The following MACROD1 variants were observed in gnomAD, a reference collection of about 807,000 sequenced individuals.
MACROD1 encodes the protein mono-ADP ribosylhydrolase 1.
Under a neutral mutation model 41.4 loss-of-function variants are expected in MACROD1, and 31 were observed. That is an observed-to-expected ratio of 0.75 (90% CI 0.56 to 1.01). The LOEUF is 1.01. MACROD1 is among the 50% of genes least tolerant of loss of function. MACROD1 has a pLI of 0.00. For missense variants in MACROD1, 473 were observed against 460.0 expected, an observed-to-expected ratio of 1.03 and a Z score of -0.26; for synonymous variants, 252 against 203.4, an observed-to-expected ratio of 1.24 and a Z score of -2.03.
intron 4 of MACROD1, among the ~76,000 whole-genome samples, chr11:64,014,640 G>A (rs1021051911): frequency 6.6e-6 from 1 of 152,200 alleles, no homozygotes; most frequent in Admixed American, 6.5e-5. Flanking sequence ...AGGTGGGCTG[G>A]CCATGGAGGC....
At chr11:64,000,557 T>G (rs574252520) in intron 4 of MACROD1, among the ~76,000 whole-genome samples, 308 of 149,732 alleles carry the variant, frequency 2.1e-3, no homozygotes, top group African/African-American at 7.3e-3. Context: ...GCCCTGGGCC[T>G]GGCGGGAAGT....
Position 63,999,312 on chromosome 11 carries a change from G to A in MACROD1, c.891+19C>T. The A allele has an allele frequency of 4.5e-6, 7 of 1,554,434 alleles. No individual in the cohort carries two copies. The highest frequency in any genetic ancestry group is 6.1e-6 in the Non-Finnish European group (7 of 1,156,336). On this transcript the variant is annotated intron_variant, in intron 8 of 10. Coordinates refer to ENST00000255681, the MANE Select transcript of MACROD1 (RefSeq NM_014067.4). ...TGGCCGGGATGCGGACCCCACCCTC[G>A]CCCGGGCCCAGGACTCACCTTGTCC...
At chr11:64,105,062 C>A (rs902341674) in intron 3 of MACROD1, among the ~76,000 whole-genome samples, 21 of 152,236 alleles carry the variant, frequency 1.4e-4, no homozygotes, top group Non-Finnish European at 1.3e-4. Context: ...TTCGTCAGCA[C>A]GGCGCAGCAT....
intron 3 of MACROD1, among the ~76,000 whole-genome samples, chr11:64,113,014 A>C (rs1239089263): frequency 6.6e-6 from 1 of 152,208 alleles, no homozygotes; most frequent in Non-Finnish European, 1.5e-5. Context: ...ACATGAAAAC[A>C]CCAGTCACCA....
intron 3 of MACROD1, among the ~76,000 whole-genome samples, chr11:64,053,070 T>G: frequency 6.6e-6 from 1 of 152,208 alleles, no homozygotes. Flanking sequence ...AATGTGGGGC[T>G]TCTGATTCCC....
intron 3 of MACROD1, among the ~76,000 whole-genome samples, chr11:64,149,436 G>A (rs1590969818): frequency 6.6e-6 from 1 of 152,228 alleles, no homozygotes; most frequent in Admixed American, 6.5e-5. Context: ...GCACTAAACC[G>A]CTTCTGATGG....
chr11:64,130,490 G>A lies in MACROD1; in HGVS notation c.517+20749C>T, dbSNP rs1277094852. Among the ~76,000 whole-genome samples, 6 of 152,014 alleles carry A rather than the reference G, an allele frequency of 3.9e-5. No homozygotes were observed. In the East Asian group the frequency reaches 5.8e-4, roughly 15 times the overall value. On this transcript the variant is annotated intron_variant, in intron 3 of 10. Transcript: ENST00000255681. ...TCACCGAGCAACCTGAAGAAGAGGC[G>A]TCGGAACCTGGGAGGGGTCTAACAC... is the stretch of plus-strand genomic sequence containing the variant.
At chr11:64,151,427 G>A (rs774805072) in intron 2 of MACROD1, 72 bp from the exon 3 acceptor site, 7 of 1,133,496 alleles carry the variant, frequency 6.2e-6, no homozygotes, top group Non-Finnish European at 9.3e-6. Flanking sequence ...AGGGCCCAGG[G>A]GCCAGGGCCT....
At chr11:64,050,567 C>A (rs570518029) in intron 3 of MACROD1, among the ~76,000 whole-genome samples, 1 of 152,314 alleles carries the variant, frequency 6.6e-6, no homozygotes, top group South Asian at 2.1e-4. Flanking sequence ...TCCCTCACAG[C>A]GCTAAGGACA....
chr11:64,065,675 A>T (rs969095792), intron 3 of MACROD1, among the ~76,000 whole-genome samples: 3 of 151,798 alleles, frequency 2.0e-5, no homozygotes, highest in Non-Finnish European at 4.4e-5. Flanking sequence ...CTGTAGTCCC[A>T]GCTACTTGGG....
chr11:64,031,913 C>T (rs912185239), intron 3 of MACROD1, among the ~76,000 whole-genome samples: 11 of 152,370 alleles, frequency 7.2e-5, no homozygotes, highest in African/African-American at 2.4e-4. Context: ...GGGCCCCGAG[C>T]TAGGAGTCCA....
intron 3 of MACROD1, among the ~76,000 whole-genome samples, chr11:64,119,859 C>T (rs1945066508): frequency 6.6e-6 from 1 of 152,178 alleles, no homozygotes; most frequent in Non-Finnish European, 1.5e-5. Context: ...GAAATAATGA[C>T]AGCGAATTGG....
chr11:64,068,082 A>G (rs1427712389), intron 3 of MACROD1, among the ~76,000 whole-genome samples: 1 of 152,236 alleles, frequency 6.6e-6, no homozygotes, highest in Non-Finnish European at 1.5e-5. Context: ...CTCAAACCGG[A>G]GCCGGGCGAA....
Position 64,060,570 on chromosome 11 carries a change from T to TG in MACROD1, c.518-45290dup, listed in dbSNP as rs1356184722. On this transcript the variant is annotated intron_variant, in intron 3 of 10. Coordinates refer to ENST00000255681, the MANE Select transcript of MACROD1 (RefSeq NM_014067.4). Reference sequence around the variant, plus strand: ...AGCAGGCCCCAGCCTGGAGATACGCTGGGCAGTGGCCTCCCATGCGCGCAC... The same window carrying TG: ...AGCAGGCCCCAGCCTGGAGATACGCTGGGGCAGTGGCCTCCCATGCGCGCAC... 3 of 152,228 alleles carry TG rather than the reference T, an allele frequency of 2.0e-5. No individual in the cohort carries two copies. In the South Asian group the frequency reaches 6.2e-4, roughly 32 times the overall value. The allele number at this position is 152,228 out of a possible 1,614,324, so 9.4% of individuals were successfully genotyped here.
rs556164889 is a variant in MACROD1 at position 64,067,365 on chromosome 11, C to A, written c.518-52084G>T. On this transcript the variant is annotated intron_variant, in intron 3 of 10. Coordinates refer to ENST00000255681, the MANE Select transcript of MACROD1 (RefSeq NM_014067.4). This position sits in a 1 kb window ranked among gnomAD's most constrained non-coding sequence, Gnocchi z 4.6. The stretch of plus-strand genomic sequence containing the variant: ...GGGAATCCATTATCGGGCAAAATAG[C>A]AGCTGCTGACGTGAAAATGAAATAT... 8.5e-5 allele frequency among the ~76,000 whole-genome samples: 13 copies of A among 152,302 alleles called. No homozygotes were observed. In the South Asian group the frequency reaches 2.7e-3, roughly 32 times the overall value.
chr11:64,084,416 G>T (rs117569191), intron 3 of MACROD1, among the ~76,000 whole-genome samples: 104 of 152,186 alleles, frequency 6.8e-4, no homozygotes, highest in Middle Eastern at 6.8e-3. Flanking sequence ...TACCTTTCCC[G>T]CGAAGCCCCC....
intron 3 of MACROD1, chr11:64,117,212 C>G: frequency 6.2e-7 from 1 of 1,614,164 alleles, no homozygotes; most frequent in Non-Finnish European, 8.5e-7. Context: ...GCCTGTTCGA[C>G]GACCTGGGGA....
chr11:64,158,029 C>A (rs773159759), intron 1 of MACROD1, among the ~76,000 whole-genome samples: 1 of 152,184 alleles, frequency 6.6e-6, no homozygotes, highest in Non-Finnish European at 1.5e-5. Context: ...AAGGCTGCGT[C>A]CCCAAAAGAC....
At chr11:64,155,030 CTTGG>C (rs1945646152) in intron 1 of MACROD1, among the ~76,000 whole-genome samples, 1 of 152,168 alleles carries the variant, frequency 6.6e-6, no homozygotes, top group Non-Finnish European at 1.5e-5. Context: ...CTTTCTTGAT[CTTGG>C]CCATCTTGAC....
Sources: allele counts gnomAD v4.1 joint callset (sites outside exome capture counted in the v4.1 genomes callset), GRCh38; gene constraint gnomAD v4.1.1; non-coding constraint Gnocchi (gnomAD v3.1); transcripts MANE v1.5; gene names NCBI Gene and HGNC (gene_info 2026-07-23, HGNC 2026-07-21).